DNM2: variants seen among roughly 807,000 people sequenced by gnomAD.
DNM2 encodes dynamin-2.
In DNM2, 15 loss-of-function variants were observed where a neutral mutation model predicts 99.0. The ratio of observed to expected loss-of-function variants is 0.15; its 90% CI spans 0.10 to 0.23. The LOEUF (loss-of-function observed/expected upper bound fraction) is 0.23. Among genes scored for constraint, DNM2 ranks in the 10% least tolerant of loss-of-function variants. The pLI is 1.00. For synonymous variants in DNM2, 525 were observed against 481.2 expected, an observed-to-expected ratio of 1.09 and a Z score of -1.19; for missense variants, 742 against 1,189.4, an observed-to-expected ratio of 0.62 and a Z score of 5.53.
At chr19:10,720,225 T>A (rs1365288135) in intron 1 of DNM2, among the ~76,000 whole-genome samples, 1 of 150,742 alleles carries the variant, frequency 6.6e-6, no homozygotes, top group Admixed American at 6.6e-5. Flanking sequence ...TATTTTTTTT[T>A]TTTTTGAGAC....
At chr19:10,746,108 G>A (rs1230805977) in intron 1 of DNM2, among the ~76,000 whole-genome samples, 1 of 151,820 alleles carries the variant, frequency 6.6e-6, no homozygotes, top group African/African-American at 2.4e-5. Context: ...ACAGGCACAC[G>A]CCACCACACC....
At chr19:10,779,406 A>T (rs961816156) in intron 5 of DNM2, among the ~76,000 whole-genome samples, 1 of 145,692 alleles carries the variant, frequency 6.9e-6, no homozygotes, top group Non-Finnish European at 1.5e-5. Context: ...GCCTGCGTTG[A>T]CCCATTGTCA....
chr19:10,785,211 G>A (rs1287450047), intron 6 of DNM2, among the ~76,000 whole-genome samples: 5 of 151,866 alleles, frequency 3.3e-5, no homozygotes, highest in East Asian at 1.9e-4. Context: ...TCCGTCTCCC[G>A]GGTTCACACC....
In DNM2 at chr19:10,830,098, T is replaced by G. The variant is rs371716145; in HGVS notation, c.2292-29T>G. 6.2e-7 allele frequency: 1 copy of G among 1,613,620 alleles called. No individual in the cohort carries two copies. Among genetic ancestry groups the G allele is most frequent in the African/African-American group, 1.3e-5 (1 of 74,844 alleles). On this transcript the variant is annotated intron_variant, in intron 19 of 20. Coordinates refer to ENST00000389253, the MANE Select transcript of DNM2 (RefSeq NM_001005361.3). This position sits in a 1 kb window ranked among gnomAD's most constrained non-coding sequence, Gnocchi z 4.8. ...CGGGGGCTCCTACTCCATCTGTATC[T>G]GTAGCTCACACCCTCTCCTTCCTCA...
At chr19:10,751,418 A>G (rs2070190117) in intron 1 of DNM2, among the ~76,000 whole-genome samples, 1 of 152,152 alleles carries the variant, frequency 6.6e-6, no homozygotes. Flanking sequence ...AGGAGGAAGT[A>G]GATGACGGAG....
intron 3 of DNM2, among the ~76,000 whole-genome samples, chr19:10,774,551 T>G (rs2071086497): frequency 6.6e-6 from 1 of 151,892 alleles, no homozygotes; most frequent in Non-Finnish European, 1.5e-5. Context: ...CTCAGCCCCC[T>G]GAGTAGCTGG....
At chr19:10,797,341 G>T in intron 9 of DNM2, 39 bp from the exon 10 acceptor site, 1 of 1,609,396 alleles carries the variant, frequency 6.2e-7, no homozygotes, top group Non-Finnish European at 8.5e-7. Context: ...ACTGTCCCTG[G>T]GTGTCTTTCT....
intron 5 of DNM2, among the ~76,000 whole-genome samples, chr19:10,779,144 G>A (rs1421155328): frequency 6.6e-6 from 1 of 151,834 alleles, no homozygotes; most frequent in African/African-American, 2.4e-5. Flanking sequence ...GAACCCAGGA[G>A]GTGGAGGTTG....
chr19:10,830,712 C>T lies in DNM2; in HGVS notation c.2544-266C>T, dbSNP rs151185903. Among the ~76,000 whole-genome samples, 39 of 152,298 alleles carry T rather than the reference C, an allele frequency of 2.6e-4. No individual in the cohort carries two copies. The East Asian group carries it at 6.4e-3, about 25-fold the overall frequency. On this transcript the variant is annotated intron_variant, in intron 20 of 20. Coordinates refer to ENST00000389253, the MANE Select transcript of DNM2 (RefSeq NM_001005361.3). This position sits in a 1 kb window ranked among gnomAD's most constrained non-coding sequence, Gnocchi z 4.8. The stretch of plus-strand genomic sequence containing the variant: ...CCTGCTCCTGCCTGCCTCAACCTAC[C>T]GTGGGCCAGGCTTTATTCTCCCCAC...
rs532846049 is a variant in DNM2, at chr19:10,724,338, C to T, written c.161+5935C>T. Among the ~76,000 whole-genome samples the T allele has an allele frequency of 2.0e-4, 31 of 152,182 alleles. No individual in the cohort carries two copies. In the South Asian group the frequency reaches 4.8e-3, roughly 23 times the overall value. ...GATTACAGGCGCCTGCCACCAGGCC[C>T]GGCTAATTTTTTGTATTTTTAGTAG... On this transcript the variant is annotated intron_variant, in intron 1 of 20. Transcript: ENST00000389253.
chr19:10,729,242 G>A (rs375870426), intron 1 of DNM2, among the ~76,000 whole-genome samples: 2 of 151,088 alleles, frequency 1.3e-5, no homozygotes, highest in East Asian at 1.9e-4. Context: ...CCAGCTACTC[G>A]GGAGGCTGAG....
intron 1 of DNM2, among the ~76,000 whole-genome samples, chr19:10,728,500 A>C (rs919609195): frequency 2.8e-4 from 43 of 152,294 alleles, no homozygotes; most frequent in African/African-American, 1.0e-3. Flanking sequence ...GGCCAAGATT[A>C]CAGAGGGAGT....
In DNM2 at chr19:10,756,367, A is replaced by T. The variant is rs140240012; in HGVS notation, c.162-3371A>T. Among the ~76,000 whole-genome samples the T allele has an allele frequency of 1.0e-3, 157 of 150,928 alleles. 1 individual carries two copies. The highest frequency in any genetic ancestry group is 3.6e-3 in the African/African-American group (146 of 40,946). On this transcript the variant is annotated intron_variant, in intron 1 of 20. Coordinates refer to ENST00000389253, the MANE Select transcript of DNM2 (RefSeq NM_001005361.3). ...TCAGAATGTTGGCGCCAGTGTCACC[A>T]GCACCTCCCCAAGTGCTCAGGAGCC... is the stretch of plus-strand genomic sequence containing the variant.
Position 10,818,085 on chromosome 19 carries a change from G to A in DNM2, c.1672-1895G>A, listed in dbSNP as rs1190289021. On this transcript the variant is annotated intron_variant, in intron 15 of 20. Transcript: ENST00000389253. This position sits in a 1 kb window ranked among gnomAD's most constrained non-coding sequence, Gnocchi z 4.3. ...TCTAAAGCCCCCAAAACTCTTCCCC[G>A]AAAGGTGGGAGGGACCCAGGCCCTG... Among the ~76,000 whole-genome samples the A allele has an allele frequency of 6.6e-6, 1 of 150,528 alleles. No homozygotes were observed. Among genetic ancestry groups the A allele is most frequent in the East Asian group, 2.0e-4 (1 of 5,082 alleles).
In DNM2 at chr19:10,797,235, G is replaced by A. The variant is rs1015259917; in HGVS notation, c.1197-145G>A. ...CTCTTTGATCCGAAGCAGCTTCCGG[G>A]GCAAATGCGGGCGCAGGCTCCCCCA... On this transcript the variant is annotated intron_variant, in intron 9 of 20. Transcript: ENST00000389253. The A allele has an allele frequency of 6.7e-5, 84 of 1,245,658 alleles. No individual in the cohort carries two copies. The Middle Eastern group carries it at 1.3e-3, about 20-fold the overall frequency. 77.2% of individuals were successfully genotyped at this position (1,245,658 alleles called of 1,614,324 possible).
intron 1 of DNM2, among the ~76,000 whole-genome samples, chr19:10,746,384 A>G (rs995255915): frequency 1.3e-5 from 2 of 152,144 alleles, no homozygotes; most frequent in South Asian, 4.1e-4. Flanking sequence ...GTCAAATGTT[A>G]TGAGCAGAGG....
In DNM2 at chr19:10,782,970, C is replaced by T. The variant is rs751844947; in HGVS notation, c.699C>T (p.Gly233=). 47 of 1,613,924 alleles carry T rather than the reference C, an allele frequency of 2.9e-5. No homozygotes were observed. The highest frequency in any genetic ancestry group is 4.0e-5 in the African/African-American group (3 of 74,924). ...TGCCTCTCCCCACAGGCTACATTGG[C>T]GTGGTGAACCGCAGCCAGAAGGATA... ...KLLPLRRGYI[G]VVNRSQKDIE... The change falls in exon 6 of 21, where the codon GGC becomes GGT. Residue 233 remains glycine (G), a synonymous_variant. Transcript: ENST00000389253.
chr19:10,825,852 TCA>T (rs1555716302), intron 18 of DNM2, among the ~76,000 whole-genome samples: 1 of 75,254 alleles, frequency 1.3e-5, no homozygotes, highest in Admixed American at 1.6e-4. Flanking sequence ...AGACTCCATC[TCA>T]AAAAAAAAAA....
At chr19:10,787,747 T>C (rs1270122774) in intron 7 of DNM2, among the ~76,000 whole-genome samples, 2 of 120,100 alleles carry the variant, frequency 1.7e-5, no homozygotes, top group African/African-American at 6.7e-5. Context: ...CGAGCAAGAC[T>C]GTCTCAAAAA....
Sources: gnomAD v4.1 joint callset for allele counts (sites outside exome capture counted in the v4.1 genomes callset) on GRCh38, gnomAD v4.1.1 for gene constraint, Gnocchi (gnomAD v3.1) non-coding constraint, MANE v1.5 for transcripts, NCBI Gene and HGNC (gene_info 2026-07-23, HGNC 2026-07-21) for gene names.